The following ATP8B3 variants were observed in gnomAD, a reference collection of about 807,000 sequenced individuals.
The protein encoded by ATP8B3 is ATPase phospholipid transporting 8B3.
A neutral mutation model predicts 140.9 loss-of-function variants in ATP8B3; 141 were observed. The ratio of observed to expected loss-of-function variants is 1.00; its 90% CI spans 0.87 to 1.15. ATP8B3 has a LOEUF of 1.15. Ranked by LOEUF, ATP8B3 falls within the 50% of genes most tolerant of loss-of-function variation. The pLI is 0.00. For missense variants in ATP8B3, 1,874 were observed against 1,740.6 expected (o/e 1.08, Z -1.36); for synonymous variants, 765 against 714.6 (o/e 1.07, Z -1.13).
intron 28 of ATP8B3, among the ~76,000 whole-genome samples, chr19:1,783,555 C>T (rs2068219999): frequency 6.6e-6 from 1 of 152,196 alleles, no homozygotes; most frequent in South Asian, 2.1e-4. Context: ...TCGGGACCAC[C>T]CAATCAGAGT....
rs1199537804 is a variant in ATP8B3 at position 1,802,059 on chromosome 19, C to T, written c.1064-15G>A. Reference sequence around the variant, plus strand: ...TGTGTCAAAACCTACAAACATGTATCCATCTATCCACCCACCCACCCACCC... The same window carrying T: ...TGTGTCAAAACCTACAAACATGTATTCATCTATCCACCCACCCACCCACCC... On this transcript the variant is annotated splice_polypyrimidine_tract_variant and intron_variant, in intron 11 of 28. Coordinates refer to ENST00000310127, the MANE Select transcript of ATP8B3 (RefSeq NM_138813.4). The T allele has an allele frequency of 5.1e-6, 8 of 1,574,880 alleles. No individual in the cohort carries two copies. The highest frequency in any genetic ancestry group is 6.9e-6 in the Non-Finnish European group (8 of 1,161,656).
At chr19:1,784,694 C>T in intron 28 of ATP8B3, 125 bp downstream of exon 28, 1 of 1,322,658 alleles carries the variant, frequency 7.6e-7, no homozygotes, top group Non-Finnish European at 1.0e-6. Flanking sequence ...ACCCTTCCCC[C>T]AAGCCTAGTG....
Position 1,789,417 on chromosome 19 carries a change from T to A in ATP8B3, c.2789A>T (p.His930Leu), listed in dbSNP as rs746553862. 13 of 1,596,768 alleles carry A rather than the reference T, an allele frequency of 8.1e-6. No homozygotes were observed. The highest frequency in any genetic ancestry group is 1.1e-5 in the Non-Finnish European group (13 of 1,177,268). Residue 930 changes from histidine (H) to leucine (L), a missense_variant, in exon 23 of 29, where the codon CAC becomes CTC. By Grantham distance (99) the His-to-Leu change is moderately conservative. Transcript: ENST00000310127. The stretch of plus-strand genomic sequence containing the variant: ...CCCGATGGCCAGGGTCACCACCTGG[T>A]GGTACTTCTTGACCAGGGCCACGAT... The part of the protein sequence containing the change: ...ALIVALVKKY[H>L]QVVTLAIGDG...
At chr19:1,786,309 T>C (rs541242314) in intron 25 of ATP8B3, among the ~76,000 whole-genome samples, 1 of 152,146 alleles carries the variant, frequency 6.6e-6, no homozygotes, top group Admixed American at 6.5e-5. Flanking sequence ...CTCACGCCTG[T>C]AATCCCAGCA....
Position 1,805,176 on chromosome 19 carries a change from T to C in ATP8B3, c.904+198A>G. 1 of 617,460 alleles carries C rather than the reference T, an allele frequency of 1.6e-6. No individual in the cohort carries two copies. Among genetic ancestry groups the C allele is most frequent in the African/African-American group, 1.8e-5 (1 of 54,754 alleles). 38.2% of individuals were successfully genotyped at this position (617,460 alleles called of 1,614,324 possible). A position where few individuals can be genotyped will look rare whatever the true frequency, so the allele number is the denominator to read the frequency against. On this transcript the variant is annotated intron_variant, in intron 10 of 28. Transcript: ENST00000310127. The surrounding 1 kb of genome is among the most constrained non-coding windows in gnomAD (Gnocchi z 5.2). ...TTTTTGTAGAGATGGGGTCTCGTTA[T>C]GTTGTCCAGGCTGGTCTTGAATTCC...
chr19:1,790,910 T>C, intron 20 of ATP8B3, 78 bp from the exon 21 acceptor site: 14 of 1,201,126 alleles, frequency 1.2e-5, no homozygotes, highest in Non-Finnish European at 1.6e-5. Context: ...CTCTGCCCGG[T>C]GAATCCTGGC....
intron 10 of ATP8B3, among the ~76,000 whole-genome samples, chr19:1,803,844 C>CAAGAT (rs2068928163): frequency 6.9e-6 from 1 of 145,128 alleles, no homozygotes. Flanking sequence ...TGCCGTGAAC[C>CAAGAT]AAGATCGCGC....
intron 18 of ATP8B3, among the ~76,000 whole-genome samples, chr19:1,793,661 C>T (rs568290419): frequency 1.6e-4 from 24 of 152,390 alleles, no homozygotes; most frequent in African/African-American, 2.2e-4. Context: ...GGTGCCCTTA[C>T]GGCTTCTTAC....
rs1188566513 is a variant in ATP8B3 at position 1,800,297 on chromosome 19, G to A, written c.1305C>T (p.Ile435=). 6.2e-7 allele frequency: 1 copy of A among 1,612,870 alleles called. No homozygotes were observed. Among genetic ancestry groups the A allele is most frequent in the South Asian group, 1.1e-5 (1 of 91,078 alleles). The change falls in exon 13 of 29, where the codon ATC becomes ATT. Residue 435 remains isoleucine, a synonymous_variant. Coordinates refer to ENST00000310127, the MANE Select transcript of ATP8B3 (RefSeq NM_138813.4). This position sits in a 1 kb window ranked among gnomAD's most constrained non-coding sequence, Gnocchi z 4.4. ...ACATCGGGATGGTGACGCTGAGCAGGATGAGGAAGCTCCAGAAGACGAAGA... is the reference window on the plus strand; with the variant it reads ...ACATCGGGATGGTGACGCTGAGCAGAATGAGGAAGCTCCAGAAGACGAAGA... ...ESFFVFWSFL[I]LLSVTIPMSM... is the part of the protein sequence containing the mutation.
At chr19:1,803,670 G>A (rs1463706939) in intron 10 of ATP8B3, among the ~76,000 whole-genome samples, 4 of 152,152 alleles carry the variant, frequency 2.6e-5, no homozygotes, top group Non-Finnish European at 4.4e-5. Context: ...GCCGAGGCGG[G>A]TGGATCACCT....
Position 1,805,124 on chromosome 19 carries a change from T to A in ATP8B3, c.904+250A>T. 1 of 468,310 alleles carries A rather than the reference T, an allele frequency of 2.1e-6. No homozygotes were observed. The highest frequency in any genetic ancestry group is 4.0e-6 in the Non-Finnish European group (1 of 251,704). 29.0% of individuals were successfully genotyped at this position (468,310 alleles called of 1,614,324 possible). A position where few individuals can be genotyped will look rare whatever the true frequency, so the allele number is the denominator to read the frequency against. On this transcript the variant is annotated intron_variant, in intron 10 of 28. Coordinates refer to ENST00000310127, the MANE Select transcript of ATP8B3 (RefSeq NM_138813.4). The surrounding 1 kb of genome is among the most constrained non-coding windows in gnomAD (Gnocchi z 5.2). ...CCAAGTAGCTGGGACCACCGGCATGTGCCACCACGCCCAGCTACTTGTTTT... is the reference window on the plus strand; with the variant it reads ...CCAAGTAGCTGGGACCACCGGCATGAGCCACCACGCCCAGCTACTTGTTTT...
chr19:1,782,939 G>C lies in ATP8B3; in HGVS notation c.*89C>G, dbSNP rs2068198418. ...TCTATCCATAGAAAATGATGAGCTAGGTGTAGGGGGGAGCTGTACTTCCTG... is the reference window on the plus strand; with the variant it reads ...TCTATCCATAGAAAATGATGAGCTACGTGTAGGGGGGAGCTGTACTTCCTG... On this transcript the variant is annotated 3_prime_UTR_variant, in exon 29 of 29. Coordinates refer to ENST00000310127, the MANE Select transcript of ATP8B3 (RefSeq NM_138813.4). The C allele has an allele frequency of 1.4e-6, 2 of 1,467,520 alleles. No homozygotes were observed. Among genetic ancestry groups the C allele is most frequent in the Admixed American group, 4.3e-5 (2 of 46,892 alleles). 90.9% of individuals were successfully genotyped at this position (1,467,520 alleles called of 1,614,324 possible). A position where few individuals can be genotyped will look rare whatever the true frequency, so the allele number is the denominator to read the frequency against.
chr19:1,783,183 A>T lies in ATP8B3; in HGVS notation c.3748T>A (p.Ser1250Thr). 6 of 1,613,278 alleles carry T rather than the reference A, an allele frequency of 3.7e-6. No homozygotes were observed. The highest frequency in any genetic ancestry group is 5.1e-6 in the Non-Finnish European group (6 of 1,179,676). ...HVHRESRARR[S>T]SYAFSHREGY... ...TCACGGTGGGAGAAAGCATAGCTGG[A>T]ACGGCGGGCACGAGACTCCCGGTGT... The change falls in exon 29 of 29, where the codon TCC (serine) becomes ACC (threonine). Residue 1250 changes from serine to threonine, a missense_variant. By Grantham distance (58) the Ser-to-Thr change is moderately conservative (BLOSUM62 1). Transcript: ENST00000310127.
chr19:1,783,244 G>C lies in ATP8B3; in HGVS notation c.3687C>G (p.Ser1229Arg), dbSNP rs373632059. The stretch of plus-strand genomic sequence containing the variant: ...AGGGCTCCATGGTGAAAATCTCCTC[G>C]CTGGGGCCCTCCTCCACCTTCTCCT... ...AKEEKVEEGPSEEIFTMEPLP... is the reference protein window; with the variant it reads ...AKEEKVEEGPREEIFTMEPLP... Residue 1229 changes from serine (S) to arginine (R), a missense_variant, in exon 29 of 29, where the codon AGC (serine) becomes AGG (arginine). Coordinates refer to ENST00000310127, the MANE Select transcript of ATP8B3 (RefSeq NM_138813.4). 3 of 1,610,036 alleles carry C rather than the reference G, an allele frequency of 1.9e-6. No homozygotes were observed. Among genetic ancestry groups the C allele is most frequent in the East Asian group, 4.5e-5 (2 of 44,752 alleles).
At position 1,794,104 on chromosome 19, in the gene ATP8B3, T is replaced by C. The variant is rs1275101862; in HGVS notation, c.2055+1771A>G. 6.6e-6 allele frequency among the ~76,000 whole-genome samples: 1 copy of C among 152,190 alleles called. No homozygotes were observed. Among genetic ancestry groups the C allele is most frequent in the African/African-American group, 2.4e-5 (1 of 41,436 alleles). On this transcript the variant is annotated intron_variant, in intron 18 of 28. Transcript: ENST00000310127. The surrounding 1 kb of genome is among the most constrained non-coding windows in gnomAD (Gnocchi z 4.8). Reference sequence around the variant, plus strand: ...GTGCAGTGGTGCGATCACAGCTTGCTGTAGCCTCCACCTCCTGCACTCAAG... The same window carrying C: ...GTGCAGTGGTGCGATCACAGCTTGCCGTAGCCTCCACCTCCTGCACTCAAG...
chr19:1,806,128 A>C lies in ATP8B3; in HGVS notation c.719T>G (p.Val240Gly), dbSNP rs1233741061. 3.7e-6 allele frequency: 6 copies of C among 1,602,206 alleles called. No homozygotes were observed. The Admixed American group carries it at 5.1e-5, about 14-fold the overall frequency. ...KKWQDLCVGD[V>G]VCLRKDNIVP... ...GATGTTGTCCTTGCGGAGACAGACCACATCCCCCACGCACAGATCCTGCCA... is the reference window on the plus strand; with the variant it reads ...GATGTTGTCCTTGCGGAGACAGACCCCATCCCCCACGCACAGATCCTGCCA... Residue 240 changes from valine to glycine, a missense_variant, in exon 8 of 29, where the codon GTG (valine) becomes GGG (glycine). Val to Gly is a moderately radical substitution (Grantham distance 109). This residue lies in a region of ATP8B3 where 1,032 missense variants were observed against 963.6 expected (regional missense o/e 1.07). Coordinates refer to ENST00000310127, the MANE Select transcript of ATP8B3 (RefSeq NM_138813.4). This position sits in a 1 kb window ranked among gnomAD's most constrained non-coding sequence, Gnocchi z 5.6.
At chr19:1,810,793 T>A in intron 2 of ATP8B3, 110 bp from the exon 3 acceptor site, 1 of 964,244 alleles carries the variant, frequency 1.0e-6, no homozygotes, top group Non-Finnish European at 1.5e-6. Flanking sequence ...AAATGCTACC[T>A]CCCACACTCA....
chr19:1,785,288 T>A lies in ATP8B3; in HGVS notation c.3403A>T (p.Ile1135Phe). Reference sequence around the variant, plus strand: ...CACAGGGCGGTCCAGTACTTGATGATAAGAATGACCTGGACAGGCAGCGGT... The same window carrying A: ...CACAGGGCGGTCCAGTACTTGATGAAAAGAATGACCTGGACAGGCAGCGGT... ...LLSITMEVIL[I>F]IKYWTALCVA... The change falls in exon 27 of 29, where the codon ATC (isoleucine) becomes TTC (phenylalanine). Residue 1135 changes from isoleucine (I) to phenylalanine (F), a missense_variant. Physicochemically the swap from Ile to Phe is conservative, Grantham distance 21. Coordinates refer to ENST00000310127, the MANE Select transcript of ATP8B3 (RefSeq NM_138813.4). 1 of 1,599,246 alleles carries A rather than the reference T, an allele frequency of 6.3e-7. No homozygotes were observed. Among genetic ancestry groups the A allele is most frequent in the Non-Finnish European group, 8.5e-7 (1 of 1,172,688 alleles).
At chr19:1,804,720 C>T (rs995133950) in intron 10 of ATP8B3, among the ~76,000 whole-genome samples, 1 of 151,854 alleles carries the variant, frequency 6.6e-6, no homozygotes. Flanking sequence ...GCAGGAGAAA[C>T]GCTTGAACCT....
Sources: gnomAD v4.1 joint callset for allele counts (sites outside exome capture counted in the v4.1 genomes callset) on GRCh38, gnomAD v4.1.1 for gene constraint, gnomAD v4.1.1 regional missense constraint, Gnocchi (gnomAD v3.1) non-coding constraint, MANE v1.5 for transcripts, NCBI Gene and HGNC (gene_info 2026-07-23, HGNC 2026-07-21) for gene names.